Variants in KSR2 observed in about 807,000 individuals in gnomAD.
KSR2 encodes the protein kinase suppressor of ras 2.
KSR2 carries 25 observed loss-of-function variants against 107.8 expected under a neutral mutation model. The ratio of observed to expected loss-of-function variants is 0.23; its 90% CI spans 0.17 to 0.32. The LOEUF is 0.32. Among genes scored for constraint, KSR2 ranks in the 10% least tolerant of loss-of-function variants. The probability of loss-of-function intolerance (pLI) is 1.00; values close to 1 mark genes in which losing one functional copy is unlikely to be tolerated. For missense variants in KSR2, 887 were observed against 1,268.9 expected (o/e 0.70, Z 4.57); for synonymous variants, 480 against 507.0 (o/e 0.95, Z 0.71).
At chr12:117,856,621 C>T (rs1893110677) in intron 2 of KSR2, among the ~76,000 whole-genome samples, 1 of 152,086 alleles carries the variant, frequency 6.6e-6, no homozygotes, top group African/African-American at 2.4e-5. Flanking sequence ...GGATTACAGC[C>T]ACTCACCACC....
intron 3 of KSR2, among the ~76,000 whole-genome samples, chr12:117,816,663 T>C (rs1263176607): frequency 6.6e-6 from 1 of 152,136 alleles, no homozygotes; most frequent in Admixed American, 6.5e-5. Context: ...ACCCGTGTCA[T>C]CCTTAAGGGC....
chr12:117,966,708 CTT>C (rs1207171218), intron 1 of KSR2, among the ~76,000 whole-genome samples: 1 of 147,488 alleles, frequency 6.8e-6, no homozygotes, highest in Non-Finnish European at 1.5e-5. Context: ...CTCTCTCTCT[CTT>C]CTTTCAAAGG....
At chr12:117,639,783 C>T (rs1055010853) in intron 5 of KSR2, among the ~76,000 whole-genome samples, 2 of 151,904 alleles carry the variant, frequency 1.3e-5, no homozygotes, top group South Asian at 2.1e-4. Flanking sequence ...CAGATGTATC[C>T]GTCAATACCA....
intron 14 of KSR2, among the ~76,000 whole-genome samples, chr12:117,506,302 G>A (rs1268979374): frequency 6.6e-6 from 1 of 152,162 alleles, no homozygotes; most frequent in Non-Finnish European, 1.5e-5. Flanking sequence ...AGGCAGCCTG[G>A]AAGAATTAGA....
At chr12:117,867,891 A>T (rs1342837909) in intron 1 of KSR2, among the ~76,000 whole-genome samples, 5 of 152,202 alleles carry the variant, frequency 3.3e-5, no homozygotes, top group Non-Finnish European at 7.3e-5. Context: ...CACCACATCA[A>T]CGCATGAAAA....
At chr12:117,646,770 T>C (rs1415130090) in intron 5 of KSR2, among the ~76,000 whole-genome samples, 1 of 152,178 alleles carries the variant, frequency 6.6e-6, no homozygotes, top group Non-Finnish European at 1.5e-5. Flanking sequence ...AGCCCCGGCA[T>C]TGCTCCCAAA....
Position 117,463,547 on chromosome 12 carries a change from ATT to A in KSR2, c.*3650_*3651del, listed in dbSNP as rs1019615581. 6.6e-6 allele frequency: 1 copy of A among 152,118 alleles called. No individual in the cohort carries two copies. Among genetic ancestry groups the A allele is most frequent in the African/African-American group, 2.4e-5 (1 of 41,384 alleles). The allele number at this position is 152,118 out of a possible 1,614,324, so 9.4% of individuals were successfully genotyped here. A position where few individuals can be genotyped will look rare whatever the true frequency, so the allele number is the denominator to read the frequency against. On this transcript the variant is annotated 3_prime_UTR_variant, in exon 20 of 20. Coordinates refer to ENST00000339824, the MANE Select transcript of KSR2 (RefSeq NM_173598.6). ...GGAGAGGTGACTGTGCTCCAATAAC[ATT>A]TTGTTTATTGACATGAAATTTGAAT... is the stretch of plus-strand genomic sequence containing the variant.
chr12:117,493,330 A>G (rs961881175), intron 14 of KSR2, among the ~76,000 whole-genome samples: 8 of 152,086 alleles, frequency 5.3e-5, no homozygotes, highest in African/African-American at 1.2e-4. Context: ...CACTGCTACA[A>G]TGACTCCCCA....
At chr12:117,774,930 G>A (rs1018211152) in intron 3 of KSR2, among the ~76,000 whole-genome samples, 8 of 152,044 alleles carry the variant, frequency 5.3e-5, no homozygotes, top group Non-Finnish European at 1.2e-4. Flanking sequence ...GTGGTCTTTC[G>A]TGTCTGGCTT....
chr12:117,809,089 CCATT>C (rs1162577086), intron 3 of KSR2, among the ~76,000 whole-genome samples: 4 of 152,018 alleles, frequency 2.6e-5, no homozygotes, highest in Admixed American at 2.0e-4. Context: ...TCCAGAGCAT[CCATT>C]TTTAGTCTTT....
At chr12:117,929,340 G>A (rs1294827236) in intron 1 of KSR2, among the ~76,000 whole-genome samples, 3 of 152,188 alleles carry the variant, frequency 2.0e-5, no homozygotes, top group African/African-American at 7.2e-5. Context: ...CTGTTCTCAT[G>A]GTAGTGAATA....
chr12:117,927,708 A>C (rs1895572512), intron 1 of KSR2, among the ~76,000 whole-genome samples: 1 of 152,122 alleles, frequency 6.6e-6, no homozygotes, highest in South Asian at 2.1e-4. Flanking sequence ...AAGGAAAAAA[A>C]AAGGAACCAG....
At chr12:117,477,317 A>G (rs1871851718) in intron 16 of KSR2, among the ~76,000 whole-genome samples, 1 of 152,232 alleles carries the variant, frequency 6.6e-6, no homozygotes, top group Admixed American at 6.5e-5. Context: ...TAACTGTGAA[A>G]GTGCTGTGAG....
intron 3 of KSR2, among the ~76,000 whole-genome samples, chr12:117,829,160 C>T (rs1355326451): frequency 6.6e-6 from 1 of 152,096 alleles, no homozygotes; most frequent in African/African-American, 2.4e-5. Flanking sequence ...ACCTCCCTCC[C>T]CAGTCTCATC....
intron 5 of KSR2, among the ~76,000 whole-genome samples, chr12:117,617,549 G>T (rs1238455043): frequency 1.3e-5 from 2 of 152,130 alleles, no homozygotes; most frequent in Non-Finnish European, 2.9e-5. Context: ...CAACAACATG[G>T]ATGTATTTCA....
chr12:117,475,103 C>A (rs1565863696), intron 17 of KSR2, among the ~76,000 whole-genome samples: 2 of 152,182 alleles, frequency 1.3e-5, no homozygotes, highest in African/African-American at 2.4e-5. Context: ...GTGTATTGGA[C>A]ACCCGGCCCC....
At chr12:117,754,046 A>G (rs915372227) in intron 4 of KSR2, among the ~76,000 whole-genome samples, 2 of 152,052 alleles carry the variant, frequency 1.3e-5, no homozygotes, top group African/African-American at 4.8e-5. Context: ...AAATGCAAAA[A>G]TAAAAAGAAA....
chr12:117,486,440 G>T (rs1872466588), intron 14 of KSR2, among the ~76,000 whole-genome samples: 1 of 152,172 alleles, frequency 6.6e-6, no homozygotes, highest in South Asian at 2.1e-4. Context: ...GTCACTGAAT[G>T]AATGAATTCT....
chr12:117,943,391 A>G (rs2137541619), intron 1 of KSR2, among the ~76,000 whole-genome samples: 1 of 150,738 alleles, frequency 6.6e-6, no homozygotes, highest in Non-Finnish European at 1.5e-5. Flanking sequence ...TACAAAAGCT[A>G]TAGAAGAAAC....
Sources: gnomAD v4.1 joint callset for allele counts (sites outside exome capture counted in the v4.1 genomes callset) on GRCh38, gnomAD v4.1.1 for gene constraint, MANE v1.5 for transcripts, NCBI Gene and HGNC (gene_info 2026-07-23, HGNC 2026-07-21) for gene names.